NRBP1: variants seen among roughly 807,000 people sequenced by gnomAD.
The protein encoded by NRBP1 is nuclear receptor-binding protein.
A neutral mutation model predicts 76.0 loss-of-function variants in NRBP1; 10 were observed. The observed-to-expected ratio is 0.13, with a 90% CI of 0.08 to 0.22. The LOEUF (loss-of-function observed/expected upper bound fraction) is 0.22. Ranked by LOEUF, NRBP1 falls within the 10% of genes least tolerant of loss-of-function variation. The pLI is 1.00. For missense variants in NRBP1, 344 were observed against 646.0 expected (o/e 0.53, Z 5.07); for synonymous variants, 235 against 240.2 (o/e 0.98, Z 0.20).
At chr2:27,440,258 C>A in intron 11 of NRBP1, 145 bp from the exon 12 acceptor site, 1 of 650,580 alleles carries the variant, frequency 1.5e-6, no homozygotes, top group Non-Finnish European at 2.8e-6. Context: ...ATCTGTCCGC[C>A]TCGGCTTCCC....
At position 27,441,596 on chromosome 2, in the gene NRBP1, C is replaced by T; in HGVS notation, c.1477C>T (p.Leu493=). The T allele has an allele frequency of 6.2e-7, 1 of 1,614,110 alleles. No homozygotes were observed. Among genetic ancestry groups the T allele is most frequent in the South Asian group, 1.1e-5 (1 of 91,086 alleles). ...NENIPELAAE[L]VQLGFISEAD... ...GAATATCCCCGAGTTGGCGGCTGAG[C>T]TGGTGCAGCTGGGCTTCATTAGTGA... The change falls in exon 17 of 18, where the codon CTG becomes TTG. Residue 493 remains leucine (L), a synonymous_variant. Transcript: ENST00000379852.
chr2:27,437,005 C>G, intron 8 of NRBP1, 42 bp from the exon 9 acceptor site: 1 of 1,594,370 alleles, frequency 6.3e-7, no homozygotes, highest in African/African-American at 1.3e-5. Context: ...AACCCTAGCC[C>G]CCAATCCTCT....
intron 1 of NRBP1, among the ~76,000 whole-genome samples, chr2:27,429,528 G>A (rs184927918): frequency 3.6e-5 from 4 of 112,060 alleles, no homozygotes; most frequent in African/African-American, 4.6e-5. Flanking sequence ...GCTGGAGGCG[G>A]CGAGAATCCC....
chr2:27,428,603 G>T (rs1197320170), upstream of NRBP1: 1 of 397,676 alleles, frequency 2.5e-6, no homozygotes, highest in Admixed American at 4.4e-5. Flanking sequence ...CGTTGGTCCG[G>T]GCGCCGCGAG....
Position 27,435,083 on chromosome 2 carries a change from C to T in NRBP1, c.567-50C>T, listed in dbSNP as rs868194977. ...TGCTCCTCTTAACCCTTGGGTTCCC[C>T]CTGCCCTTAATTTCCCAGTGGCCCC... On this transcript the variant is annotated intron_variant, in intron 6 of 17. Coordinates refer to ENST00000379852, the MANE Select transcript of NRBP1 (RefSeq NM_013392.4). 18 of 1,177,822 alleles carry T rather than the reference C, an allele frequency of 1.5e-5. 1 individual carries two copies. In the Middle Eastern group the frequency reaches 1.0e-3, roughly 68 times the overall value. The allele number at this position is 1,177,822 out of a possible 1,614,324, so 73.0% of individuals were successfully genotyped here.
Position 27,433,398 on chromosome 2 carries a change from C to G in NRBP1, c.125C>G (p.Ser42Cys), listed in dbSNP as rs563642807. The change falls in exon 2 of 18, where the codon TCC (serine) becomes TGC (cysteine). Residue 42 changes from serine (S) to cysteine (C), a missense_variant. Ser to Cys is a moderately radical substitution (Grantham distance 112). Coordinates refer to ENST00000379852, the MANE Select transcript of NRBP1 (RefSeq NM_013392.4). ...PPVTSTTSAA[S>C]PEEEEESEDE... ...GTGACCTCCACAACCTCAGCTGCTT[C>G]CCCAGAGGAAGAAGAAGAAAGTGAA... The G allele has an allele frequency of 2.7e-5, 44 of 1,614,236 alleles. No individual in the cohort carries two copies. In the East Asian group the frequency reaches 9.4e-4, roughly 34 times the overall value.
chr2:27,434,664 G>A, intron 5 of NRBP1, 58 bp from the exon 6 acceptor site: 4 of 1,606,936 alleles, frequency 2.5e-6, no homozygotes, highest in Non-Finnish European at 1.7e-6. Flanking sequence ...GAAGGAGCTA[G>A]TGGGAGAGAG....
intron 7 of NRBP1, 109 bp from the exon 8 acceptor site, chr2:27,436,644 C>A: frequency 2.4e-6 from 2 of 843,202 alleles, no homozygotes; most frequent in South Asian, 2.8e-5. Context: ...TGTTGAGGGT[C>A]ATCAGAAAGG....
At chr2:27,436,435 A>C (rs898808138) in intron 7 of NRBP1, 6 of 289,222 alleles carry the variant, frequency 2.1e-5, no homozygotes, top group African/African-American at 1.3e-4. Flanking sequence ...TGAACGCAGT[A>C]CAAGTGAAAA....
chr2:27,441,264 C>CA lies in NRBP1; in HGVS notation c.1384-2dup, dbSNP rs1664543729. 1 of 1,613,978 alleles carries CA rather than the reference C, an allele frequency of 6.2e-7. No homozygotes were observed. The highest frequency in any genetic ancestry group is 8.5e-7 in the Non-Finnish European group (1 of 1,180,004). ...CTCATTTTCTGACTGTCCTATTCTCCAGCTGACACTTCTGCTGAAGTTGGA... is the reference window on the plus strand; with the variant it reads ...CTCATTTTCTGACTGTCCTATTCTCCAAGCTGACACTTCTGCTGAAGTTGGA... On this transcript the variant is annotated splice_region_variant and splice_polypyrimidine_tract_variant and intron_variant, in intron 15 of 17. Transcript: ENST00000379852.
In NRBP1 at chr2:27,429,319, C is replaced by G. The variant is rs370221263; in HGVS notation, c.-21+588C>G. On this transcript the variant is annotated intron_variant, in intron 1 of 17. Transcript: ENST00000379852. ...GTTCCTCCCCAGAGCGGTTTTATTT[C>G]CGACTGGACTGTGCTGCGGGTCTCA... 6 of 152,498 alleles carry G rather than the reference C, an allele frequency of 3.9e-5. No individual in the cohort carries two copies. The East Asian group carries it at 9.6e-4, about 25-fold the overall frequency. 9.4% of individuals were successfully genotyped at this position (152,498 alleles called of 1,614,324 possible).
chr2:27,438,247 AG>A (rs138746018), intron 10 of NRBP1, among the ~76,000 whole-genome samples: 69,700 of 151,966 alleles, frequency 0.46, 17,322 homozygotes, highest in African/African-American at 0.65. Context: ...TGGTTACTTC[AG>A]GCCATTGCTG....
At position 27,441,561 on chromosome 2, in the gene NRBP1, T is replaced by C; in HGVS notation, c.1448-6T>C. The C allele has an allele frequency of 6.2e-7, 1 of 1,614,118 alleles. No individual in the cohort carries two copies. The highest frequency in any genetic ancestry group is 8.5e-7 in the Non-Finnish European group (1 of 1,179,994). On this transcript the variant is annotated splice_polypyrimidine_tract_variant and splice_region_variant and intron_variant, in intron 16 of 17. Transcript: ENST00000379852. ...CTGTACTCACCCCCTCCTGTTTCTT[T>C]GTCAGATGAGAATATCCCCGAGTTG...
chr2:27,430,284 T>C (rs1664053634), intron 1 of NRBP1, among the ~76,000 whole-genome samples: 1 of 152,010 alleles, frequency 6.6e-6, no homozygotes, highest in African/African-American at 2.4e-5. Context: ...CTAATAAAAA[T>C]CTCCTGAGTT....
At chr2:27,440,294 C>T in intron 11 of NRBP1, 109 bp from the exon 12 acceptor site, 1 of 775,262 alleles carries the variant, frequency 1.3e-6, no homozygotes, top group Admixed American at 2.0e-5. Context: ...CAGGCATGAG[C>T]CACTGTGCCA....
intron 1 of NRBP1, among the ~76,000 whole-genome samples, chr2:27,431,348 T>G (rs1664108680): frequency 6.6e-6 from 1 of 152,124 alleles, no homozygotes; most frequent in African/African-American, 2.4e-5. Flanking sequence ...CCCCAGAGAA[T>G]GGAAACTTCA....
intron 1 of NRBP1, among the ~76,000 whole-genome samples, chr2:27,432,917 C>T (rs1178612874): frequency 6.6e-6 from 1 of 151,848 alleles, no homozygotes; most frequent in African/African-American, 2.4e-5. Flanking sequence ...CTTGCTCTGT[C>T]ACCCAGGCTG....
At chr2:27,433,197 C>A in intron 1 of NRBP1, 57 bp from the exon 2 acceptor site, 1 of 1,269,142 alleles carries the variant, frequency 7.9e-7, no homozygotes, top group Non-Finnish European at 1.1e-6. Context: ...TAAATCTTTA[C>A]AGATGTATCC....
intron 5 of NRBP1, 62 bp downstream of exon 5, chr2:27,434,622 CTG>C (rs1284816342): frequency 1.9e-6 from 3 of 1,590,570 alleles, no homozygotes; most frequent in African/African-American, 1.3e-5. Flanking sequence ...AAAAAGGACT[CTG>C]TTAATAATGA....
Sources: allele counts gnomAD v4.1 joint callset (sites outside exome capture counted in the v4.1 genomes callset), GRCh38; gene constraint gnomAD v4.1.1; transcripts MANE v1.5; gene names NCBI Gene and HGNC (gene_info 2026-07-23, HGNC 2026-07-21).